Variants in GNG7 observed in about 807,000 individuals in gnomAD.
GNG7 encodes the protein guanine nucleotide-binding protein G(I)/G(S)/G(O) subunit gamma-7.
In GNG7, 1 loss-of-function variant was observed where a neutral mutation model predicts 4.0. The ratio of observed to expected loss-of-function variants is 0.25; its 90% CI spans 0.09 to 1.18. The LOEUF (loss-of-function observed/expected upper bound fraction) is 1.18, where lower values mean the gene tolerates loss of function less well. Ranked by LOEUF, GNG7 falls within the 50% of genes most tolerant of loss-of-function variation. The pLI is 0.50. For missense variants in GNG7, 86 were observed against 91.9 expected (o/e 0.94, Z 0.26); for synonymous variants, 34 against 36.9 (o/e 0.92, Z 0.29).
rs190005459 is a variant in GNG7 at position 2,689,651 on chromosome 19, C to G, written c.-135+12995G>C. ...AAAAAAAAAAAAAAAAAAAAAAAACCATATTCGATGCAATTCTCTGAAGTT... is the reference window on the plus strand; with the variant it reads ...AAAAAAAAAAAAAAAAAAAAAAAACGATATTCGATGCAATTCTCTGAAGTT... On this transcript the variant is annotated intron_variant, in intron 1 of 4. Coordinates refer to ENST00000382159, the MANE Select transcript of GNG7 (RefSeq NM_052847.3). Among the ~76,000 whole-genome samples the G allele has an allele frequency of 6.7e-3, 911 of 135,128 alleles. 46 individuals are homozygous for G. The highest frequency in any genetic ancestry group is 0.063 in the Admixed American group (834 of 13,326). 88.6% of individuals were successfully genotyped at this position (135,128 alleles called of 152,430 possible).
chr19:2,648,167 T>C (rs568560774), intron 1 of GNG7, among the ~76,000 whole-genome samples: 2 of 152,120 alleles, frequency 1.3e-5, no homozygotes, highest in South Asian at 4.2e-4. Context: ...CATGGGCTTC[T>C]TGGTGGTCAC....
intron 1 of GNG7, among the ~76,000 whole-genome samples, chr19:2,673,265 AAAC>A (rs1321838096): frequency 4.9e-5 from 7 of 142,548 alleles, no homozygotes; most frequent in African/African-American, 2.0e-4. Context: ...CTCAAAAAAA[AAAC>A]AAAACAAAAC....
chr19:2,583,765 C>T (rs1489040285), intron 2 of GNG7, among the ~76,000 whole-genome samples: 1 of 152,142 alleles, frequency 6.6e-6, no homozygotes, highest in East Asian at 1.9e-4. Flanking sequence ...GCACTGCACT[C>T]CTATTTAATT....
chr19:2,630,276 T>C (rs995351468), intron 2 of GNG7, among the ~76,000 whole-genome samples: 3 of 152,022 alleles, frequency 2.0e-5, no homozygotes, highest in Admixed American at 2.0e-4. Flanking sequence ...CTGGAGAACA[T>C]ATCTTGTAGA....
intron 2 of GNG7, among the ~76,000 whole-genome samples, chr19:2,590,940 T>G (rs1322847311): frequency 6.6e-6 from 1 of 152,090 alleles, no homozygotes; most frequent in Non-Finnish European, 1.5e-5. Context: ...CATTTACTCA[T>G]CCATCCATCC....
chr19:2,627,371 C>A (rs1436919873), intron 2 of GNG7, among the ~76,000 whole-genome samples: 1 of 152,190 alleles, frequency 6.6e-6, no homozygotes, highest in Non-Finnish European at 1.5e-5. Context: ...AACCCACCCC[C>A]TGCATGGCTC....
chr19:2,538,102 A>AAAC (rs1243224819), intron 3 of GNG7: 13 of 455,468 alleles, frequency 2.9e-5, no homozygotes, highest in Middle Eastern at 3.3e-4. Context: ...AAACAAAACA[A>AAAC]AACAACAATG....
intron 1 of GNG7, among the ~76,000 whole-genome samples, chr19:2,671,879 GTC>G (rs1010476349): frequency 6.6e-5 from 10 of 151,472 alleles, no homozygotes; most frequent in African/African-American, 2.4e-4. Flanking sequence ...GTGAAACCTC[GTC>G]TCTACTAAAA....
rs772940365 is a variant in GNG7 at position 2,513,366 on chromosome 19, G to C, written c.*1656C>G. 1.9e-5 allele frequency: 8 copies of C among 428,690 alleles called. No individual in the cohort carries two copies. The highest frequency in any genetic ancestry group is 2.5e-5 in the Non-Finnish European group (8 of 321,278). 26.6% of individuals were successfully genotyped at this position (428,690 alleles called of 1,614,324 possible). On this transcript the variant is annotated 3_prime_UTR_variant, in exon 5 of 5. Coordinates refer to ENST00000382159, the MANE Select transcript of GNG7 (RefSeq NM_052847.3). ...TGCTTCTAGGCCAGCCCCGTGGAGG[G>C]GGTCGGGGCGGCCAGGCCTCCTGCG...
At chr19:2,694,544 A>G (rs1301264596) in intron 1 of GNG7, among the ~76,000 whole-genome samples, 1 of 151,816 alleles carries the variant, frequency 6.6e-6, no homozygotes, top group African/African-American at 2.4e-5. Flanking sequence ...ATTATTTGGG[A>G]AAAAAATCAA....
chr19:2,568,895 C>T (rs931567964), intron 2 of GNG7, among the ~76,000 whole-genome samples: 1 of 152,042 alleles, frequency 6.6e-6, no homozygotes, highest in Non-Finnish European at 1.5e-5. Context: ...TGTGCACACA[C>T]ATATCCACAC....
At chr19:2,662,354 A>G (rs1305331826) in intron 1 of GNG7, among the ~76,000 whole-genome samples, 1 of 151,196 alleles carries the variant, frequency 6.6e-6, no homozygotes, top group Non-Finnish European at 1.5e-5. Context: ...CCCTAATTCG[A>G]TTCAGTTCAA....
chr19:2,534,363 G>A (rs77858386), intron 3 of GNG7, among the ~76,000 whole-genome samples: 1 of 152,264 alleles, frequency 6.6e-6, no homozygotes, highest in African/African-American at 2.4e-5. Context: ...TGAAAATGCA[G>A]TTGAATCTGT....
chr19:2,599,080 A>G (rs911174036), intron 2 of GNG7, among the ~76,000 whole-genome samples: 4 of 152,136 alleles, frequency 2.6e-5, no homozygotes, highest in Non-Finnish European at 4.4e-5. Context: ...GAAAAAGCCA[A>G]TGTCACCGGG....
At chr19:2,680,727 C>G (rs1198752055) in intron 1 of GNG7, among the ~76,000 whole-genome samples, 2 of 152,034 alleles carry the variant, frequency 1.3e-5, no homozygotes, top group East Asian at 3.9e-4. Flanking sequence ...AGGCATGCAT[C>G]ACCACGCCTG....
chr19:2,575,094 T>C (rs553044317), intron 2 of GNG7, among the ~76,000 whole-genome samples: 1 of 151,310 alleles, frequency 6.6e-6, no homozygotes, highest in Non-Finnish European at 1.5e-5. Context: ...TCTTTCTTTT[T>C]TTTTTTTTTA....
intron 1 of GNG7, among the ~76,000 whole-genome samples, chr19:2,699,851 T>C (rs1913359270): frequency 1.3e-5 from 2 of 152,182 alleles, no homozygotes; most frequent in Non-Finnish European, 2.9e-5. Flanking sequence ...GAACTGAAGT[T>C]GTAAACTCAA....
At chr19:2,681,215 G>A (rs1426154126) in intron 1 of GNG7, among the ~76,000 whole-genome samples, 1 of 151,380 alleles carries the variant, frequency 6.6e-6, no homozygotes, top group East Asian at 1.9e-4. Flanking sequence ...ACGGAGTCTT[G>A]CTCTGTTGCC....
chr19:2,676,086 G>A lies in GNG7; in HGVS notation c.-135+26560C>T, dbSNP rs117364324. On this transcript the variant is annotated intron_variant, in intron 1 of 4. Transcript: ENST00000382159. ...TGAGGATGGAGGCAGAGACTGGAGC[G>A]ATGTCACCAGCCCAGGGGCGCCAAG... is the stretch of plus-strand genomic sequence containing the variant. Among the ~76,000 whole-genome samples the A allele has an allele frequency of 7.8e-4, 119 of 152,304 alleles. 3 individuals are homozygous for A. In the East Asian group the frequency reaches 0.022, roughly 28 times the overall value.
Sources: gnomAD v4.1 joint callset for allele counts (sites outside exome capture counted in the v4.1 genomes callset) on GRCh38, gnomAD v4.1.1 for gene constraint, MANE v1.5 for transcripts, NCBI Gene and HGNC (gene_info 2026-07-23, HGNC 2026-07-21) for gene names.